Variants in EXOC6B observed in about 807,000 individuals in gnomAD.
EXOC6B encodes the protein SEC15 homolog B.
Under a neutral mutation model 113.5 loss-of-function variants are expected in EXOC6B, and 54 were observed. That is an observed-to-expected ratio of 0.48 (90% confidence interval 0.38 to 0.60). The LOEUF (loss-of-function observed/expected upper bound fraction) is 0.60, where lower values mean the gene tolerates loss of function less well. EXOC6B is among the 20% of genes least tolerant of loss of function. The pLI is 0.00. For missense variants in EXOC6B, 797 were observed against 977.5 expected (o/e 0.82, Z 2.46); for synonymous variants, 357 against 339.0 (o/e 1.05, Z -0.58).
intron 20 of EXOC6B, among the ~76,000 whole-genome samples, chr2:72,329,304 G>C (rs1453552776): frequency 6.6e-6 from 1 of 152,056 alleles, no homozygotes; most frequent in Non-Finnish European, 1.5e-5. Flanking sequence ...CCTGTTAACA[G>C]TTTAATGGTT....
intron 20 of EXOC6B, among the ~76,000 whole-genome samples, chr2:72,203,066 C>G (rs890499677): frequency 7.2e-5 from 11 of 152,212 alleles, no homozygotes; most frequent in African/African-American, 2.4e-4. Flanking sequence ...GTAGAGTATT[C>G]AGCATAGTGC....
At chr2:72,500,106 C>A in intron 11 of EXOC6B, 134 bp from the exon 12 acceptor site, 2 of 638,824 alleles carry the variant, frequency 3.1e-6, no homozygotes, top group South Asian at 4.1e-5. Flanking sequence ...AGAAATAATT[C>A]AACACTTCCC....
At chr2:72,601,275 C>T (rs1216686892) in intron 6 of EXOC6B, among the ~76,000 whole-genome samples, 2 of 151,910 alleles carry the variant, frequency 1.3e-5, no homozygotes, top group African/African-American at 4.8e-5. Flanking sequence ...CTCCACCTCC[C>T]GGGTTCACAC....
At chr2:72,396,081 C>T (rs1000570632) in intron 18 of EXOC6B, among the ~76,000 whole-genome samples, 3 of 152,010 alleles carry the variant, frequency 2.0e-5, no homozygotes, top group Non-Finnish European at 2.9e-5. Context: ...AACTTTCATA[C>T]ACCTAGAAAT....
At chr2:72,687,033 G>T (rs1173331215) in intron 6 of EXOC6B, among the ~76,000 whole-genome samples, 1 of 151,884 alleles carries the variant, frequency 6.6e-6, no homozygotes, top group Non-Finnish European at 1.5e-5. Flanking sequence ...AGCTACTCGG[G>T]AGGCTGAGGC....
intron 18 of EXOC6B, among the ~76,000 whole-genome samples, chr2:72,395,921 C>T (rs1470604542): frequency 1.3e-5 from 2 of 152,002 alleles, no homozygotes; most frequent in Non-Finnish European, 2.9e-5. Flanking sequence ...ATATTCCCAT[C>T]ATGTTGAGAA....
chr2:72,450,892 T>C (rs1355002318), intron 18 of EXOC6B, among the ~76,000 whole-genome samples: 1 of 152,144 alleles, frequency 6.6e-6, no homozygotes, highest in African/African-American at 2.4e-5. Context: ...TTCCCTGCGC[T>C]ACTCAAGGGA....
At chr2:72,541,501 C>G (rs899536368) in intron 8 of EXOC6B, among the ~76,000 whole-genome samples, 4 of 152,046 alleles carry the variant, frequency 2.6e-5, no homozygotes, top group African/African-American at 7.2e-5. Context: ...ATACAAAAGC[C>G]CTTCTCCTCC....
At chr2:72,657,289 T>C (rs1392622666) in intron 6 of EXOC6B, among the ~76,000 whole-genome samples, 1 of 145,230 alleles carries the variant, frequency 6.9e-6, no homozygotes, top group African/African-American at 2.5e-5. Flanking sequence ...GCAGTGGCGC[T>C]ACCTTGGCTC....
chr2:72,601,365 A>C (rs970931930), intron 6 of EXOC6B, among the ~76,000 whole-genome samples: 1 of 151,984 alleles, frequency 6.6e-6, no homozygotes, highest in Non-Finnish European at 1.5e-5. Context: ...TTGTACTTTT[A>C]GTAGAGACGG....
At chr2:72,802,039 T>C (rs566741603) in intron 1 of EXOC6B, among the ~76,000 whole-genome samples, 1 of 152,202 alleles carries the variant, frequency 6.6e-6, no homozygotes, top group South Asian at 2.1e-4. Context: ...GTATAAGAAC[T>C]TGTGGCTGGG....
intron 20 of EXOC6B, among the ~76,000 whole-genome samples, chr2:72,332,983 C>A (rs1487730761): frequency 6.6e-6 from 1 of 151,942 alleles, no homozygotes; most frequent in Non-Finnish European, 1.5e-5. Context: ...AGCTACAGAC[C>A]AAGAACTAAA....
chr2:72,699,378 C>T (rs558330026), intron 6 of EXOC6B, among the ~76,000 whole-genome samples: 30 of 151,696 alleles, frequency 2.0e-4, no homozygotes, highest in African/African-American at 6.8e-4. Context: ...ACTCAGGAGG[C>T]TGAGGCAGAG....
At chr2:72,463,650 CT>C (rs1697853283) in intron 18 of EXOC6B, 1 of 152,112 alleles carries the variant, frequency 6.6e-6, no homozygotes, top group Admixed American at 6.6e-5. Context: ...AATTCTAAAG[CT>C]AAACGGCTGA....
intron 20 of EXOC6B, among the ~76,000 whole-genome samples, chr2:72,267,239 A>G (rs1365612766): frequency 6.6e-6 from 1 of 152,120 alleles, no homozygotes; most frequent in Non-Finnish European, 1.5e-5. Flanking sequence ...CTAATTGAAT[A>G]CCCTTTATTT....
chr2:72,614,931 G>T (rs1402163272), intron 6 of EXOC6B, among the ~76,000 whole-genome samples: 1 of 152,086 alleles, frequency 6.6e-6, no homozygotes, highest in African/African-American at 2.4e-5. Flanking sequence ...AGTCTTATAA[G>T]AAATTCCCTG....
At chr2:72,333,767 C>T (rs140164713) in intron 20 of EXOC6B, among the ~76,000 whole-genome samples, 234 of 152,144 alleles carry the variant, frequency 1.5e-3, no homozygotes, top group African/African-American at 5.4e-3. Context: ...TTTGGCAGGT[C>T]TATAGACACA....
chr2:72,782,053 T>A lies in EXOC6B; in HGVS notation c.114-40584A>T, dbSNP rs189774493. The stretch of plus-strand genomic sequence containing the variant: ...TACTCAAGAAGCTGAGGTAGGAGAA[T>A]CACTTGAACCCGGGAAACAGAGGTT... On this transcript the variant is annotated intron_variant, in intron 1 of 21. Transcript: ENST00000272427. Among the ~76,000 whole-genome samples the A allele has an allele frequency of 2.0e-3, 303 of 147,844 alleles. 3 individuals carry two copies. The South Asian group carries it at 0.029, about 14-fold the overall frequency.
intron 7 of EXOC6B, among the ~76,000 whole-genome samples, chr2:72,561,453 T>G (rs1038702535): frequency 5.3e-5 from 8 of 152,152 alleles, no homozygotes; most frequent in Non-Finnish European, 1.2e-4. Flanking sequence ...ATCATAATTT[T>G]GTTTATATGT....
Sources: gnomAD v4.1 joint callset for allele counts (sites outside exome capture counted in the v4.1 genomes callset) on GRCh38, gnomAD v4.1.1 for gene constraint, MANE v1.5 for transcripts, NCBI Gene and HGNC (gene_info 2026-07-23, HGNC 2026-07-21) for gene names.